SCUBE1: variants seen among roughly 807,000 people sequenced by gnomAD.
SCUBE1 encodes signal peptide, CUB and EGF-like domain-containing protein 1.
SCUBE1 carries 59 observed loss-of-function variants against 124.4 expected under a neutral mutation model. The ratio of observed to expected loss-of-function variants is 0.47; its 90% CI spans 0.38 to 0.59. SCUBE1 has a LOEUF of 0.59. SCUBE1 is among the 20% of genes least tolerant of loss of function. SCUBE1 has a pLI of 0.00. For synonymous variants in SCUBE1, 545 were observed against 550.9 expected (o/e 0.99, Z 0.15); for missense variants, 1,150 against 1,371.2 (o/e 0.84, Z 2.55).
At chr22:43,336,883 G>A (rs141517936) in intron 2 of SCUBE1, among the ~76,000 whole-genome samples, 149 of 152,288 alleles carry the variant, frequency 9.8e-4, no homozygotes, top group Middle Eastern at 6.8e-3. Context: ...CCAGGCAGGC[G>A]GAAAATCTGA....
intron 3 of SCUBE1, among the ~76,000 whole-genome samples, chr22:43,318,502 C>T (rs917284168): frequency 1.3e-5 from 2 of 152,102 alleles, no homozygotes; most frequent in African/African-American, 4.8e-5. Context: ...GAGTAAGACT[C>T]TGTCTCAAAA....
At chr22:43,312,703 C>A (rs1047314550) in intron 3 of SCUBE1, among the ~76,000 whole-genome samples, 1 of 152,184 alleles carries the variant, frequency 6.6e-6, no homozygotes, top group African/African-American at 2.4e-5. Context: ...GGTGGAGGCG[C>A]CCTTGGTATG....
At chr22:43,265,591 G>A (rs778207163) in intron 4 of SCUBE1, among the ~76,000 whole-genome samples, 4 of 152,206 alleles carry the variant, frequency 2.6e-5, no homozygotes, top group African/African-American at 4.8e-5. Context: ...TCCCCAGCAC[G>A]GGAGCCCCCA....
chr22:43,303,473 CT>C (rs1569022004), intron 3 of SCUBE1, among the ~76,000 whole-genome samples: 1 of 152,240 alleles, frequency 6.6e-6, no homozygotes. Context: ...ACAACCAGGA[CT>C]AAGGAATAGT....
chr22:43,285,107 C>T (rs2146744642), intron 4 of SCUBE1, among the ~76,000 whole-genome samples: 1 of 152,318 alleles, frequency 6.6e-6, no homozygotes, highest in Non-Finnish European at 1.5e-5. Context: ...CCCAGCAGAG[C>T]AGCTGCACAG....
At chr22:43,290,418 G>A (rs144187359) in intron 4 of SCUBE1, among the ~76,000 whole-genome samples, 174 of 152,368 alleles carry the variant, frequency 1.1e-3, no homozygotes, top group African/African-American at 4.1e-3. Context: ...TCTGACCACT[G>A]ATGCCGTAAC....
intron 4 of SCUBE1, among the ~76,000 whole-genome samples, chr22:43,273,655 C>G (rs976236542): frequency 6.9e-6 from 1 of 145,096 alleles, no homozygotes; most frequent in Non-Finnish European, 1.5e-5. Context: ...TCACTGCAGC[C>G]TTGAACTCCA....
At chr22:43,297,561 T>C (rs1210373935) in intron 3 of SCUBE1, among the ~76,000 whole-genome samples, 1 of 152,204 alleles carries the variant, frequency 6.6e-6, no homozygotes, top group African/African-American at 2.4e-5. Flanking sequence ...CCCTGTGCTG[T>C]GATTGACATG....
intron 6 of SCUBE1, among the ~76,000 whole-genome samples, chr22:43,253,697 C>A (rs983595290): frequency 7.4e-6 from 1 of 135,908 alleles, no homozygotes; most frequent in African/African-American, 3.4e-5. Context: ...TTATTGCATG[C>A]AAGCACAGAG....
Position 43,238,892 on chromosome 22 carries a change from G to A in SCUBE1, c.790C>T (p.Arg264Ter), listed in dbSNP as rs773169632. 1.9e-6 allele frequency: 3 copies of A among 1,613,154 alleles called. No homozygotes were observed. The highest frequency in any genetic ancestry group is 2.5e-6 in the Non-Finnish European group (3 of 1,180,002). ...GTGAATCCAACGGGGCAGCTGCATC[G>A]CACGCCAGTGGCTGTGTCCTTGCAT... ...RTCKDTATGV[R>*]CSCPVGFTLQ... The change falls in exon 7 of 22, where the codon CGA (arginine) becomes TGA (stop). Residue 264 changes from arginine to a stop codon, truncating the protein, a stop_gained. Coordinates refer to ENST00000360835, the MANE Select transcript of SCUBE1 (RefSeq NM_173050.5). LOFTEE classifies it high-confidence loss of function.
Position 43,258,207 on chromosome 22 carries a change from G to C in SCUBE1, c.727+12C>G. The C allele has an allele frequency of 6.3e-7, 1 of 1,586,924 alleles. No individual in the cohort carries two copies. Among genetic ancestry groups the C allele is most frequent in the Non-Finnish European group, 8.6e-7 (1 of 1,156,184 alleles). ...GGCGCAAGGGTGGTGTGTGGCAGAG[G>C]TGCCTACTTACCGATGCACGTGCGA... On this transcript the variant is annotated intron_variant, in intron 6 of 21. Coordinates refer to ENST00000360835, the MANE Select transcript of SCUBE1 (RefSeq NM_173050.5). The surrounding 1 kb of genome is among the most constrained non-coding windows in gnomAD (Gnocchi z 5.0).
At chr22:43,227,624 C>A in intron 9 of SCUBE1, 128 bp from the exon 10 acceptor site, 1 of 1,194,004 alleles carries the variant, frequency 8.4e-7, no homozygotes, top group South Asian at 1.4e-5. Flanking sequence ...TCACGGGATG[C>A]AGATGAGCAG....
intron 4 of SCUBE1, among the ~76,000 whole-genome samples, chr22:43,273,940 C>T (rs1340263291): frequency 6.6e-6 from 1 of 152,162 alleles, no homozygotes; most frequent in Non-Finnish European, 1.5e-5. Context: ...TCAGATCCCT[C>T]AAGCTGCAGG....
Position 43,198,520 on chromosome 22 carries a change from C to T in SCUBE1, c.*5477G>A, listed in dbSNP as rs766136180. ...TGGGTGCTGTGGGGGCAGAGGCAGC[C>T]GCGGTAGAATAGGAGGCGCTCTCTG... On this transcript the variant is annotated 3_prime_UTR_variant, in exon 22 of 22. Coordinates refer to ENST00000360835, the MANE Select transcript of SCUBE1 (RefSeq NM_173050.5). The T allele has an allele frequency of 1.8e-5, 8 of 456,222 alleles. No homozygotes were observed. The highest frequency in any genetic ancestry group is 4.6e-5 in the South Asian group (3 of 64,534). 28.3% of individuals were successfully genotyped at this position (456,222 alleles called of 1,614,324 possible).
intron 7 of SCUBE1, among the ~76,000 whole-genome samples, chr22:43,236,345 A>T (rs931227058): frequency 1.3e-5 from 2 of 152,226 alleles, no homozygotes; most frequent in African/African-American, 4.8e-5. Context: ...TGGTGCTGAA[A>T]TGTGGGCATC....
At chr22:43,328,865 GTCT>G (rs1339157429) in intron 2 of SCUBE1, among the ~76,000 whole-genome samples, 1 of 152,200 alleles carries the variant, frequency 6.6e-6, no homozygotes, top group Non-Finnish European at 1.5e-5. Flanking sequence ...AGGCAGAAAG[GTCT>G]TCATTTCCCA....
rs1569496839 is a variant in SCUBE1, at chr22:43,214,088, GC to G, written c.2053+1del. 6.7e-7 allele frequency: 1 copy of G among 1,493,536 alleles called. No individual in the cohort carries two copies. Among genetic ancestry groups the G allele is most frequent in the Admixed American group, 2.1e-5 (1 of 47,772 alleles). 92.5% of individuals were successfully genotyped at this position (1,493,536 alleles called of 1,614,324 possible). Reference sequence around the variant, plus strand: ...CACCTCTCCTTCTAGGCCCGCACTTGCCTCCACATTCCGACACGTTGCGGGC... The same window carrying G: ...CACCTCTCCTTCTAGGCCCGCACTTGCTCCACATTCCGACACGTTGCGGGC... On this transcript the variant is annotated splice_donor_variant, in intron 16 of 21. Transcript: ENST00000360835. LOFTEE classifies it high-confidence loss of function.
intron 3 of SCUBE1, among the ~76,000 whole-genome samples, chr22:43,295,160 C>T (rs1158666688): frequency 6.6e-6 from 1 of 152,178 alleles, no homozygotes; most frequent in Non-Finnish European, 1.5e-5. Flanking sequence ...CGAAGGTTCC[C>T]AGGTGCTGAT....
intron 2 of SCUBE1, among the ~76,000 whole-genome samples, chr22:43,328,354 A>T (rs1023866465): frequency 1.3e-5 from 2 of 151,986 alleles, no homozygotes; most frequent in African/African-American, 4.8e-5. Flanking sequence ...CAAGGCCCCT[A>T]TTCCACCCTC....
Sources: gnomAD v4.1 joint callset for allele counts (sites outside exome capture counted in the v4.1 genomes callset) on GRCh38, gnomAD v4.1.1 for gene constraint, Gnocchi (gnomAD v3.1) non-coding constraint, MANE v1.5 for transcripts, NCBI Gene and HGNC (gene_info 2026-07-23, HGNC 2026-07-21) for gene names.